Variants in PCDHGB4 observed in about 807,000 individuals in gnomAD.
PCDHGB4 encodes protocadherin gamma-B4.
Under a neutral mutation model 60.5 loss-of-function variants are expected in PCDHGB4, and 38 were observed. The observed-to-expected ratio is 0.63, with a 90% CI of 0.48 to 0.82. The LOEUF (loss-of-function observed/expected upper bound fraction) is 0.82. Ranked by LOEUF, PCDHGB4 falls within the 40% of genes least tolerant of loss-of-function variation. PCDHGB4 has a pLI of 0.00. For synonymous variants in PCDHGB4, 456 were observed against 509.7 expected, an observed-to-expected ratio of 0.89 and a Z score of 1.42; for missense variants, 1,109 against 1,209.6, an observed-to-expected ratio of 0.92 and a Z score of 1.23.
At chr5:141,415,135 G>A (rs1224251849) in intron 1 of PCDHGB4, 7 of 1,613,666 alleles carry the variant, frequency 4.3e-6, no homozygotes, top group East Asian at 2.2e-5. Flanking sequence ...CCAGGACCAC[G>A]GCCAGCCCCC....
chr5:141,399,755 G>C (rs1420211451), intron 1 of PCDHGB4: 1 of 1,613,232 alleles, frequency 6.2e-7, no homozygotes, highest in Non-Finnish European at 8.5e-7. Context: ...GCAAACGTGA[G>C]CCTGCGCGTG....
intron 1 of PCDHGB4, chr5:141,395,091 A>ACCG (rs771313907): frequency 6.2e-7 from 1 of 1,614,118 alleles, no homozygotes; most frequent in South Asian, 1.1e-5. Context: ...AGTCTCCCTC[A>ACCG]CCGCCGACTC....
intron 1 of PCDHGB4, among the ~76,000 whole-genome samples, chr5:141,445,948 G>A (rs538607380): frequency 6.6e-6 from 1 of 152,236 alleles, no homozygotes; most frequent in South Asian, 2.1e-4. Flanking sequence ...GCTTACTCTG[G>A]CTGCTATATG....
chr5:141,499,689 C>CTTTTTTTT (rs545067566), intron 2 of PCDHGB4, among the ~76,000 whole-genome samples: 2 of 119,854 alleles, frequency 1.7e-5, no homozygotes, highest in Non-Finnish European at 1.7e-5. Context: ...TAACAGATGA[C>CTTTTTTTT]TTTTTTTTTT....
intron 2 of PCDHGB4, among the ~76,000 whole-genome samples, chr5:141,503,393 G>A (rs954734829): frequency 2.0e-5 from 3 of 151,824 alleles, no homozygotes; most frequent in African/African-American, 4.8e-5. Flanking sequence ...TCAGGAGTTC[G>A]AAACCAACCT....
intron 1 of PCDHGB4, chr5:141,478,902 GCTGCTGGATAC>G: frequency 1.0e-6 from 1 of 978,788 alleles, no homozygotes. Context: ...TTAGGAATAA[GCTGCTGGATAC>G]CTCTAACCAG....
In PCDHGB4 at chr5:141,476,622, T is replaced by C. The variant is rs1480639256; in HGVS notation, c.2398-18185T>C. The C allele has an allele frequency of 6.2e-7, 1 of 1,614,238 alleles. No individual in the cohort carries two copies. The highest frequency in any genetic ancestry group is 2.2e-5 in the East Asian group (1 of 44,878). On this transcript the variant is annotated intron_variant, in intron 1 of 3. Transcript: ENST00000519479. This position sits in a 1 kb window ranked among gnomAD's most constrained non-coding sequence, Gnocchi z 7.6. ...GATCCCGATGTGGGAAGCAACTCTT[T>C]ACAAACCTATGAGCTGAGCCGAAAT...
At chr5:141,394,693 G>A (rs1310404999) in intron 1 of PCDHGB4, 33 of 1,612,890 alleles carry the variant, frequency 2.0e-5, no homozygotes, top group Non-Finnish European at 2.8e-5. Context: ...GGCGAGGTGC[G>A]CACGGCGCGA....
At chr5:141,418,740 TG>T in intron 1 of PCDHGB4, 1 of 1,613,972 alleles carries the variant, frequency 6.2e-7, no homozygotes, top group Non-Finnish European at 8.5e-7. Context: ...GTGTTCTCTC[TG>T]GATTACACTA....
chr5:141,394,968 T>A, intron 1 of PCDHGB4: 1 of 1,613,938 alleles, frequency 6.2e-7, no homozygotes, highest in Non-Finnish European at 8.5e-7. Flanking sequence ...GCTGAGGCGC[T>A]GGCACAAGTC....
chr5:141,504,728 G>A (rs978910481), intron 2 of PCDHGB4, among the ~76,000 whole-genome samples: 5 of 151,522 alleles, frequency 3.3e-5, no homozygotes, highest in African/African-American at 9.7e-5. Context: ...TACTCTGAGG[G>A]CTTAGGAAGC....
At chr5:141,403,105 C>T in intron 1 of PCDHGB4, 1 of 1,614,056 alleles carries the variant, frequency 6.2e-7, no homozygotes. Flanking sequence ...TCTCCAAGGA[C>T]CTGGCTCTGG....
rs61612330 is a variant in PCDHGB4 at position 141,454,796 on chromosome 5, ATTTTTTTT to A, written c.2398-39989_2398-39982del. Reference sequence around the variant, plus strand: ...AAGGAAATAATCCTCCATGGTTCTAATTTTTTTTTTTTTTTTTTTTTTTTTTTTTGAGA... The same window carrying A: ...AAGGAAATAATCCTCCATGGTTCTAATTTTTTTTTTTTTTTTTTTTTGAGA... On this transcript the variant is annotated intron_variant, in intron 1 of 3. Transcript: ENST00000519479. Among the ~76,000 whole-genome samples, 398 of 77,454 alleles carry A rather than the reference ATTTTTTTT, an allele frequency of 5.1e-3. 2 individuals are homozygous for A. The highest frequency in any genetic ancestry group is 0.021 in the African/African-American group (363 of 16,886). 50.8% of individuals were successfully genotyped at this position (77,454 alleles called of 152,430 possible).
chr5:141,432,053 C>T lies in PCDHGB4; in HGVS notation c.2397+41772C>T. The T allele has an allele frequency of 6.2e-7, 1 of 1,614,240 alleles. No homozygotes were observed. Among genetic ancestry groups the T allele is most frequent in the South Asian group, 1.1e-5 (1 of 91,082 alleles). ...CGCCACTGACCGGGGAACCCCGCCC[C>T]TATCCACGGAAACTCATATCTCGCT... On this transcript the variant is annotated intron_variant, in intron 1 of 3. Transcript: ENST00000519479. The surrounding 1 kb of genome is among the most constrained non-coding windows in gnomAD (Gnocchi z 6.0).
At chr5:141,503,284 G>C (rs899456087) in intron 2 of PCDHGB4, among the ~76,000 whole-genome samples, 2 of 152,044 alleles carry the variant, frequency 1.3e-5, no homozygotes, top group African/African-American at 4.8e-5. Flanking sequence ...TCTGTGTCTG[G>C]TACATAGAAA....
Position 141,489,454 on chromosome 5 carries a change from G to C in PCDHGB4, c.2398-5353G>C, listed in dbSNP as rs1177748773. 1 of 1,613,940 alleles carries C rather than the reference G, an allele frequency of 6.2e-7. No homozygotes were observed. The highest frequency in any genetic ancestry group is 1.3e-5 in the African/African-American group (1 of 74,906). On this transcript the variant is annotated intron_variant, in intron 1 of 3. Transcript: ENST00000519479. This position sits in a 1 kb window ranked among gnomAD's most constrained non-coding sequence, Gnocchi z 4.5. ...GCTGCAATTGGGCTCTGAGGAGAAT[G>C]GGCGCTATTTTTCCCTGAGCTTGAT...
At chr5:141,436,991 T>G (rs1016670604) in intron 1 of PCDHGB4, among the ~76,000 whole-genome samples, 2 of 152,238 alleles carry the variant, frequency 1.3e-5, no homozygotes, top group African/African-American at 4.8e-5. Flanking sequence ...AGAAGCAGTT[T>G]ACTTCAATGG....
rs182682202 is a variant in PCDHGB4 at position 141,445,418 on chromosome 5, T to A, written c.2398-49389T>A. Among the ~76,000 whole-genome samples the A allele has an allele frequency of 2.2e-3, 335 of 152,310 alleles. 1 individual carries two copies. Among genetic ancestry groups the A allele is most frequent in the Middle Eastern group, 0.01 (3 of 294 alleles). Reference sequence around the variant, plus strand: ...ACAAATATTTATTAACTGTCTGCTATATGCAAGGCACTGACCTATGGACTA... The same window carrying A: ...ACAAATATTTATTAACTGTCTGCTAAATGCAAGGCACTGACCTATGGACTA... On this transcript the variant is annotated intron_variant, in intron 1 of 3. Transcript: ENST00000519479.
intron 1 of PCDHGB4, chr5:141,419,779 G>A (rs1439735185): frequency 1.2e-6 from 2 of 1,614,064 alleles, no homozygotes; most frequent in Non-Finnish European, 8.5e-7. Flanking sequence ...CGGTCCGCCA[G>A]CGCCTGCTAG....
Sources: gnomAD v4.1 joint callset for allele counts (sites outside exome capture counted in the v4.1 genomes callset) on GRCh38, gnomAD v4.1.1 for gene constraint, Gnocchi (gnomAD v3.1) non-coding constraint, MANE v1.5 for transcripts, NCBI Gene and HGNC (gene_info 2026-07-23, HGNC 2026-07-21) for gene names.